Variants in MAML3 observed in about 807,000 individuals in gnomAD.
MAML3 encodes the protein mastermind like transcriptional coactivator 3.
Under a neutral mutation model 101.9 loss-of-function variants are expected in MAML3, and 27 were observed. That is an observed-to-expected ratio of 0.27 (90% CI 0.20 to 0.37). The LOEUF (loss-of-function observed/expected upper bound fraction) is 0.37. Among genes scored for constraint, MAML3 ranks in the 10% least tolerant of loss-of-function variants. The probability of loss-of-function intolerance (pLI) is 1.00; values close to 1 mark genes in which losing one functional copy is unlikely to be tolerated. For synonymous variants in MAML3, 501 were observed against 555.9 expected, an observed-to-expected ratio of 0.90 and a Z score of 1.39; for missense variants, 1,316 against 1,444.9, an observed-to-expected ratio of 0.91 and a Z score of 1.45.
At chr4:139,863,844 T>G (rs867419424) in intron 2 of MAML3, among the ~76,000 whole-genome samples, 5,427 of 147,872 alleles carry the variant, frequency 0.037, 398 homozygotes, top group African/African-American at 0.13. Flanking sequence ...TTTTTTTTTT[T>G]TTTTTTTTTT....
chr4:140,005,636 T>C (rs2110850990), intron 1 of MAML3, among the ~76,000 whole-genome samples: 1 of 152,360 alleles, frequency 6.6e-6, no homozygotes, highest in African/African-American at 2.4e-5. Flanking sequence ...AATTGATTTC[T>C]ACCCATCCTC....
chr4:139,744,482 C>G (rs115705154), intron 2 of MAML3, among the ~76,000 whole-genome samples: 2,429 of 152,306 alleles, frequency 0.016, 71 homozygotes, highest in African/African-American at 0.056. Context: ...GCATGGCTAA[C>G]ATGCAAATAT....
intron 1 of MAML3, among the ~76,000 whole-genome samples, chr4:140,148,818 G>C (rs1275673035): frequency 6.6e-6 from 1 of 152,194 alleles, no homozygotes; most frequent in Non-Finnish European, 1.5e-5. Flanking sequence ...ATTATTAAAT[G>C]CATGTTATGA....
intron 1 of MAML3, among the ~76,000 whole-genome samples, chr4:140,110,814 T>C (rs1728427858): frequency 6.6e-6 from 1 of 152,188 alleles, no homozygotes; most frequent in Non-Finnish European, 1.5e-5. Flanking sequence ...GTGCCCATTA[T>C]CCACTCCCTA....
rs535535121 is a variant in MAML3, at chr4:139,720,312, C to A, written c.2428G>T (p.Asp810Tyr). The A allele has an allele frequency of 1.0e-4, 155 of 1,534,562 alleles. 1 individual carries two copies. In the South Asian group the frequency reaches 1.9e-3, roughly 19 times the overall value. Residue 810 changes from aspartate (D) to tyrosine (Y), a missense_variant, in exon 5 of 5, where the codon GAT (aspartate) becomes TAT (tyrosine). Asp to Tyr is a radical substitution (Grantham distance 160). Coordinates refer to ENST00000509479, the MANE Select transcript of MAML3 (RefSeq NM_018717.5). ...GCTTGGCTTCTTACGGCTGCTATATCCTGGGGAGAACCTGCAGTGAAAAAG... is the reference window on the plus strand; with the variant it reads ...GCTTGGCTTCTTACGGCTGCTATATACTGGGGAGAACCTGCAGTGAAAAAG... The part of the protein sequence containing the change: ...QVNQFQGSPQ[D>Y]IAAVRSQAAL...
At chr4:139,784,922 T>C (rs2111084029) in intron 2 of MAML3, among the ~76,000 whole-genome samples, 1 of 152,040 alleles carries the variant, frequency 6.6e-6, no homozygotes, top group South Asian at 2.1e-4. Flanking sequence ...TGATAGACAT[T>C]GGAGACGAGG....
At chr4:140,064,922 G>C (rs1353654301) in intron 1 of MAML3, among the ~76,000 whole-genome samples, 1 of 152,128 alleles carries the variant, frequency 6.6e-6, no homozygotes, top group African/African-American at 2.4e-5. Flanking sequence ...CAAATTGCTG[G>C]AAGGCTCCAA....
chr4:139,839,352 C>A (rs1731319485), intron 2 of MAML3, among the ~76,000 whole-genome samples: 1 of 152,162 alleles, frequency 6.6e-6, no homozygotes, highest in African/African-American at 2.4e-5. Context: ...AACACCACTA[C>A]CAGAATGGGG....
intron 2 of MAML3, among the ~76,000 whole-genome samples, chr4:139,863,436 C>T (rs7679705): frequency 0.037 from 5,477 of 149,676 alleles, 332 homozygotes; most frequent in African/African-American, 0.13. Context: ...CGACAACCTG[C>T]ACCTCCAGGG....
rs1275541247 is a variant in MAML3, at chr4:139,735,652, ATGAAATTTAGGGTTTTAT to A, written c.2080-5003_2080-4986del. Among the ~76,000 whole-genome samples, 2 of 152,146 alleles carry A rather than the reference ATGAAATTTAGGGTTTTAT, an allele frequency of 1.3e-5. No individual in the cohort carries two copies. The highest frequency in any genetic ancestry group is 4.8e-5 in the African/African-American group (2 of 41,432). The stretch of plus-strand genomic sequence containing the variant: ...ATCGCTTGGCCTACGAACAACCTAA[ATGAAATTTAGGGTTTTAT>A]TGAAAAAGTCCCCTGGGGCCTAATT... On this transcript the variant is annotated intron_variant, in intron 2 of 4. Transcript: ENST00000509479. The surrounding 1 kb of genome is among the most constrained non-coding windows in gnomAD (Gnocchi z 5.8).
intron 1 of MAML3, among the ~76,000 whole-genome samples, chr4:139,913,790 TA>T (rs1166210146): frequency 7.2e-5 from 11 of 152,194 alleles, no homozygotes; most frequent in African/African-American, 2.7e-4. Context: ...CAGTGTGGAT[TA>T]TTTGGTTAGG....
intron 1 of MAML3, among the ~76,000 whole-genome samples, chr4:140,122,923 G>A (rs992994403): frequency 1.3e-4 from 19 of 151,992 alleles, no homozygotes; most frequent in African/African-American, 4.6e-4. Context: ...TTAACCTGCT[G>A]GTAAGGTCTG....
At chr4:139,897,010 T>C (rs1167271852) in intron 1 of MAML3, among the ~76,000 whole-genome samples, 2 of 152,198 alleles carry the variant, frequency 1.3e-5, no homozygotes, top group African/African-American at 4.8e-5. Context: ...AGAGTGTCCA[T>C]GACAAAGAGG....
intron 1 of MAML3, among the ~76,000 whole-genome samples, chr4:140,120,975 G>A (rs1256063808): frequency 6.6e-6 from 1 of 152,196 alleles, no homozygotes; most frequent in African/African-American, 2.4e-5. Context: ...TCCACACTGA[G>A]GGACAGACTT....
intron 2 of MAML3, among the ~76,000 whole-genome samples, chr4:139,807,008 T>G (rs1247790465): frequency 6.6e-6 from 1 of 152,202 alleles, no homozygotes; most frequent in Non-Finnish European, 1.5e-5. Flanking sequence ...ATAAACAGAC[T>G]TTTTAGGCTT....
intron 1 of MAML3, among the ~76,000 whole-genome samples, chr4:140,077,942 C>T (rs1727798473): frequency 6.6e-6 from 1 of 152,140 alleles, no homozygotes; most frequent in African/African-American, 2.4e-5. Context: ...CGCTTGAACT[C>T]AGGAGGCAGA....
intron 1 of MAML3, among the ~76,000 whole-genome samples, chr4:140,117,593 G>A (rs762246941): frequency 6.6e-6 from 1 of 151,660 alleles, no homozygotes; most frequent in Non-Finnish European, 1.5e-5. Flanking sequence ...GTGACAGAGC[G>A]AGACCCTGTC....
In MAML3 at chr4:140,044,653, A is replaced by C. The variant is rs1311882696; in HGVS notation, c.468+108207T>G. ...GGATTTGCAGCAGCTGTGAAATGTC[A>C]AGTCAAAATGCCATGGAAGATCTAT... On this transcript the variant is annotated intron_variant, in intron 1 of 4. Coordinates refer to ENST00000509479, the MANE Select transcript of MAML3 (RefSeq NM_018717.5). Among the ~76,000 whole-genome samples, 4 of 152,346 alleles carry C rather than the reference A, an allele frequency of 2.6e-5. No individual in the cohort carries two copies. The East Asian group carries it at 5.8e-4, about 22-fold the overall frequency.
At chr4:140,064,681 A>G (rs1727501532) in intron 1 of MAML3, among the ~76,000 whole-genome samples, 1 of 152,180 alleles carries the variant, frequency 6.6e-6, no homozygotes, top group African/African-American at 2.4e-5. Flanking sequence ...TTGGAAGCCA[A>G]TATTTAACAG....
Sources: allele counts gnomAD v4.1 joint callset (sites outside exome capture counted in the v4.1 genomes callset), GRCh38; gene constraint gnomAD v4.1.1; non-coding constraint Gnocchi (gnomAD v3.1); transcripts MANE v1.5; gene names NCBI Gene and HGNC (gene_info 2026-07-23, HGNC 2026-07-21).